Variants in TOM1L1 observed in about 807,000 individuals in gnomAD.
TOM1L1 encodes the protein TOM1-like protein 1.
A neutral mutation model predicts 63.4 loss-of-function variants in TOM1L1; 64 were observed. The observed-to-expected ratio is 1.01, with a 90% CI of 0.83 to 1.24. The LOEUF (loss-of-function observed/expected upper bound fraction) is 1.24. Among genes scored for constraint, TOM1L1 ranks in the 50% most tolerant of loss-of-function variants. The probability of loss-of-function intolerance (pLI) is 0.00; values close to 1 mark genes in which losing one functional copy is unlikely to be tolerated. For synonymous variants in TOM1L1, 166 were observed against 194.4 expected, an observed-to-expected ratio of 0.85 and a Z score of 1.22; for missense variants, 536 against 567.0, an observed-to-expected ratio of 0.95 and a Z score of 0.55.
chr17:54,911,919 C>T (rs568614996), intron 3 of TOM1L1, among the ~76,000 whole-genome samples: 1 of 152,294 alleles, frequency 6.6e-6, no homozygotes, highest in East Asian at 1.9e-4. Context: ...ACACCCTTTG[C>T]ATGCCACACA....
At chr17:54,921,025 G>A (rs932342966) in intron 7 of TOM1L1, among the ~76,000 whole-genome samples, 9 of 152,186 alleles carry the variant, frequency 5.9e-5, no homozygotes, top group East Asian at 5.8e-4. Context: ...TTCATAGGGC[G>A]TAGTCATGCA....
intron 11 of TOM1L1, among the ~76,000 whole-genome samples, chr17:54,939,594 G>A (rs1189542000): frequency 1.3e-5 from 2 of 152,046 alleles, no homozygotes; most frequent in Non-Finnish European, 2.9e-5. Flanking sequence ...GTCTTGCTCT[G>A]TCACTCAGGC....
intron 3 of TOM1L1, among the ~76,000 whole-genome samples, chr17:54,908,058 A>T (rs546695911): frequency 5.1e-4 from 77 of 152,112 alleles, no homozygotes; most frequent in African/African-American, 1.9e-3. Flanking sequence ...CCTTCTCATC[A>T]GGTAGTCTAA....
chr17:54,915,209 G>C (rs1405107615), intron 6 of TOM1L1, among the ~76,000 whole-genome samples: 2 of 152,192 alleles, frequency 1.3e-5, no homozygotes, highest in Non-Finnish European at 2.9e-5. Context: ...CCGTTCTGCT[G>C]TAAAGGAACT....
intron 7 of TOM1L1, among the ~76,000 whole-genome samples, chr17:54,921,246 G>C (rs959443232): frequency 6.6e-6 from 1 of 152,096 alleles, no homozygotes; most frequent in African/African-American, 2.4e-5. Flanking sequence ...GAAAGTGTAG[G>C]CACAAATGTT....
chr17:54,903,597 G>A, intron 1 of TOM1L1, 111 bp from the exon 2 acceptor site: 1 of 941,454 alleles, frequency 1.1e-6, no homozygotes. Flanking sequence ...TTTGCCCTTT[G>A]GCAATGTAAA....
chr17:54,942,203 T>A (rs1400235331), intron 11 of TOM1L1: 3 of 151,120 alleles, frequency 2.0e-5, no homozygotes, highest in African/African-American at 7.3e-5. Context: ...TTCAAGCGAG[T>A]CTCCTGCCTC....
intron 8 of TOM1L1, among the ~76,000 whole-genome samples, chr17:54,935,246 G>T (rs2048927249): frequency 6.6e-6 from 1 of 151,672 alleles, no homozygotes; most frequent in Non-Finnish European, 1.5e-5. Context: ...GTCAAAGGGG[G>T]TTGTTCTCTG....
At chr17:54,932,760 G>A (rs1387324837) in intron 8 of TOM1L1, among the ~76,000 whole-genome samples, 1 of 152,124 alleles carries the variant, frequency 6.6e-6, no homozygotes, top group African/African-American at 2.4e-5. Flanking sequence ...ACTCACAATT[G>A]TTACTCTTGT....
At chr17:54,923,628 C>A (rs2143824740) in intron 7 of TOM1L1, among the ~76,000 whole-genome samples, 1 of 152,058 alleles carries the variant, frequency 6.6e-6, no homozygotes, top group Non-Finnish European at 1.5e-5. Flanking sequence ...TCACTGCAAC[C>A]TCTGCCTCCT....
rs998544820 is a variant in TOM1L1 at position 54,961,789 on chromosome 17, G to A, written c.*556G>A. On this transcript the variant is annotated 3_prime_UTR_variant, in exon 16 of 16. Transcript: ENST00000575882. ...AATTATATTTCAGGTGTCCTGAACA[G>A]GTCACTAGACTCTACATTGGGCAGC... 4.2e-5 allele frequency: 42 copies of A among 992,152 alleles called. No individual in the cohort carries two copies. Among genetic ancestry groups the A allele is most frequent in the Non-Finnish European group, 4.9e-5 (41 of 834,090 alleles). The allele number at this position is 992,152 out of a possible 1,614,324, so 61.5% of individuals were successfully genotyped here. A position where few individuals can be genotyped will look rare whatever the true frequency, so the allele number is the denominator to read the frequency against.
At chr17:54,910,109 C>T (rs2048473432) in intron 3 of TOM1L1, among the ~76,000 whole-genome samples, 1 of 152,096 alleles carries the variant, frequency 6.6e-6, no homozygotes. Context: ...GTGCATGTAC[C>T]TCCTGGGAGT....
chr17:54,916,012 C>A, intron 7 of TOM1L1, 150 bp downstream of exon 7: 1 of 511,514 alleles, frequency 2.0e-6, no homozygotes, highest in South Asian at 3.6e-5. Flanking sequence ...ACAAAAATAT[C>A]CAAGAATGAC....
intron 14 of TOM1L1, among the ~76,000 whole-genome samples, chr17:54,951,310 C>T (rs533828374): frequency 3.0e-4 from 45 of 152,216 alleles, no homozygotes; most frequent in Non-Finnish European, 6.2e-4. Flanking sequence ...TCCCACCCTC[C>T]AGGTACCTCC....
chr17:54,902,238 G>A (rs540549427), intron 1 of TOM1L1, among the ~76,000 whole-genome samples: 2 of 152,264 alleles, frequency 1.3e-5, no homozygotes, highest in South Asian at 4.1e-4. Context: ...TTCTTTTCTA[G>A]GGAGGTAAGC....
At chr17:54,950,464 A>T (rs548456549) in intron 14 of TOM1L1, among the ~76,000 whole-genome samples, 64 of 152,326 alleles carry the variant, frequency 4.2e-4, no homozygotes, top group African/African-American at 1.2e-3. Flanking sequence ...AGTTTATGCC[A>T]CATTGATGGA....
chr17:54,915,589 T>C (rs1301221747), intron 6 of TOM1L1, among the ~76,000 whole-genome samples, 157 bp from the exon 7 acceptor site: 4 of 152,198 alleles, frequency 2.6e-5, no homozygotes, highest in Non-Finnish European at 5.9e-5. Flanking sequence ...ATTTGTAAAA[T>C]AACTATATGT....
intron 14 of TOM1L1, chr17:54,957,875 G>A (rs1331584677): frequency 3.3e-5 from 5 of 152,144 alleles, no homozygotes; most frequent in African/African-American, 7.2e-5. Flanking sequence ...GAGGTTAAAC[G>A]TAGTATGGAT....
At chr17:54,939,311 T>TTGCAG (rs1397913833) in intron 11 of TOM1L1, among the ~76,000 whole-genome samples, 4 of 152,274 alleles carry the variant, frequency 2.6e-5, no homozygotes, top group South Asian at 2.1e-4. Flanking sequence ...GAGGTAGAGG[T>TTGCAG]TGCAGTGCAG....
Sources: gnomAD v4.1 joint callset for allele counts (sites outside exome capture counted in the v4.1 genomes callset) on GRCh38, gnomAD v4.1.1 for gene constraint, MANE v1.5 for transcripts, NCBI Gene and HGNC (gene_info 2026-07-23, HGNC 2026-07-21) for gene names.